The following FHIP2B variants were observed in gnomAD, a reference collection of about 807,000 sequenced individuals.
FHIP2B encodes the protein FHF complex subunit HOOK interacting protein 2B, also known as FHF complex subunit HOOK-interacting protein 2B.
Under a neutral mutation model 84.0 loss-of-function variants are expected in FHIP2B, and 72 were observed. The observed-to-expected ratio is 0.86, with a 90% CI of 0.71 to 1.04. The LOEUF is 1.04. Ranked by LOEUF, FHIP2B falls within the 50% of genes least tolerant of loss-of-function variation. FHIP2B has a pLI of 0.00. For missense variants in FHIP2B, 972 were observed against 968.9 expected, an observed-to-expected ratio of 1.00 and a Z score of -0.04; for synonymous variants, 497 against 418.7, an observed-to-expected ratio of 1.19 and a Z score of -2.28.
In FHIP2B at chr8:22,102,180, C is replaced by G; in HGVS notation, c.1857C>G (p.Tyr619Ter). 3.1e-6 allele frequency: 5 copies of G among 1,613,522 alleles called. No individual in the cohort carries two copies. Among genetic ancestry groups the G allele is most frequent in the East Asian group, 2.2e-5 (1 of 44,878 alleles). ...DRMSRILDQP[Y>*]SLNLQVTSVL... The stretch of plus-strand genomic sequence containing the variant: ...TGTCCACCATGTTCCTACAGCCATA[C>G]AGCCTGAACCTGCAGGTGACCTCGG... Residue 619 changes from tyrosine (Y) to a stop codon, truncating the protein, a stop_gained, in exon 15 of 17, where the codon TAC (tyrosine) becomes TAG (stop). Coordinates refer to ENST00000289921, the MANE Select transcript of FHIP2B (RefSeq NM_022749.7). LOFTEE classifies it high-confidence loss of function.
At chr8:22,097,889 C>A (rs78824473) in intron 5 of FHIP2B, 50 bp downstream of exon 5, 3 of 1,597,222 alleles carry the variant, frequency 1.9e-6, no homozygotes, top group Non-Finnish European at 2.6e-6. Context: ...AACCCCAGGG[C>A]AAGCCCCCTC....
intron 12 of FHIP2B, 103 bp downstream of exon 12, chr8:22,101,075 G>A: frequency 4.9e-6 from 7 of 1,422,482 alleles, no homozygotes; most frequent in Non-Finnish European, 6.6e-6. Flanking sequence ...GAGTGCAGTG[G>A]TACAATCTCG....
In FHIP2B at chr8:22,100,755, G is replaced by GC. The variant is rs1213419307; in HGVS notation, c.1487+19dup. 3 of 1,604,980 alleles carry GC rather than the reference G, an allele frequency of 1.9e-6. No homozygotes were observed. Among genetic ancestry groups the GC allele is most frequent in the African/African-American group, 1.3e-5 (1 of 74,680 alleles). On this transcript the variant is annotated intron_variant, in intron 11 of 16. Transcript: ENST00000289921. ...AGGACACCCTGTAAGTGAAACCGGC[G>GC]CCCTTTGGACTCAGCCCAGCCCTTA...
intron 5 of FHIP2B, 56 bp from the exon 6 acceptor site, chr8:22,098,012 G>A: frequency 3.3e-6 from 5 of 1,536,610 alleles, no homozygotes; most frequent in Non-Finnish European, 4.4e-6. Flanking sequence ...GGTCCCAGTG[G>A]GGGACCCTGG....
intron 1 of FHIP2B, among the ~76,000 whole-genome samples, chr8:22,090,702 G>A (rs1465659811): frequency 1.3e-5 from 2 of 152,072 alleles, no homozygotes; most frequent in African/African-American, 2.4e-5. Flanking sequence ...TCCGCTCATT[G>A]CAGCCTCCAC....
In FHIP2B at chr8:22,097,590, G is replaced by A; in HGVS notation, c.372G>A (p.Leu124=). 1 of 1,609,122 alleles carries A rather than the reference G, an allele frequency of 6.2e-7. No individual in the cohort carries two copies. Among genetic ancestry groups the A allele is most frequent in the Non-Finnish European group, 8.5e-7 (1 of 1,178,096 alleles). Reference sequence around the variant, plus strand: ...TGGCGCAGGTGCAGCACCCCCTGCTGCATTACCTCAGCGTCCACAGGCCTG... The same window carrying A: ...TGGCGCAGGTGCAGCACCCCCTGCTACATTACCTCAGCGTCCACAGGCCTG... ...KVLAQVQHPL[L]HYLSVHRPVQ... The change falls in exon 4 of 17, where the codon CTG becomes CTA. Residue 124 remains leucine, a synonymous_variant. Transcript: ENST00000289921.
chr8:22,095,597 A>G (rs1015478421), intron 2 of FHIP2B: 1 of 152,268 alleles, frequency 6.6e-6, no homozygotes, highest in Non-Finnish European at 1.5e-5. Flanking sequence ...GGCTTCCCCC[A>G]TCCAGCCCTT....
At chr8:22,100,170 G>A (rs1826025463) in intron 10 of FHIP2B, 2 of 443,208 alleles carry the variant, frequency 4.5e-6, no homozygotes, top group East Asian at 8.8e-5. Flanking sequence ...CTGGCCTCAA[G>A]CGATCCTCTC....
chr8:22,102,821 G>T lies in FHIP2B; in HGVS notation c.2122G>T (p.Val708Leu), dbSNP rs375585613. Residue 708 changes from valine to leucine, a missense_variant, in exon 17 of 17, where the codon GTG (valine) becomes TTG (leucine). Physicochemically the swap from Val to Leu is conservative, Grantham distance 32. Coordinates refer to ENST00000289921, the MANE Select transcript of FHIP2B (RefSeq NM_022749.7). ...GGACCACCAGACCCTCCTCCAGGGC[G>T]TGGTGGTGCTGGAGGAGTTCTGCAA... ...QLDHQTLLQGVVVLEEFCKEL... is the reference protein window; with the variant it reads ...QLDHQTLLQGLVVLEEFCKEL... The T allele has an allele frequency of 1.2e-6, 2 of 1,613,584 alleles. No individual in the cohort carries two copies. The highest frequency in any genetic ancestry group is 1.7e-6 in the Non-Finnish European group (2 of 1,179,854).
At chr8:22,101,936 C>A in intron 14 of FHIP2B, 85 bp downstream of exon 14, 1 of 1,540,060 alleles carries the variant, frequency 6.5e-7, no homozygotes, top group South Asian at 1.2e-5. Context: ...AGGGTTGCCT[C>A]TGCTTCGGTT....
intron 14 of FHIP2B, 128 bp from the exon 15 acceptor site, chr8:22,102,047 G>T: frequency 6.4e-7 from 1 of 1,556,516 alleles, no homozygotes; most frequent in South Asian, 1.2e-5. Flanking sequence ...TGGAATCCAT[G>T]ACACACACAC....
Position 22,099,045 on chromosome 8 carries a change from G to A in FHIP2B, c.1063G>A (p.Glu355Lys). The A allele has an allele frequency of 6.2e-7, 1 of 1,601,990 alleles. No individual in the cohort carries two copies. Among genetic ancestry groups the A allele is most frequent in the Non-Finnish European group, 8.5e-7 (1 of 1,173,878 alleles). Residue 355 changes from glutamate to lysine, a missense_variant, in exon 8 of 17, where the codon GAG becomes AAG. By Grantham distance (56) the Glu-to-Lys change is moderately conservative. Transcript: ENST00000289921. ...TGATTACTGCGACCACCTCATCACAGAGGCACACACGGTGAGCAGGGGCGG... is the reference window on the plus strand; with the variant it reads ...TGATTACTGCGACCACCTCATCACAAAGGCACACACGGTGAGCAGGGGCGG... ...WFDYCDHLIT[E>K]AHTVVADALA... is the part of the protein sequence containing the mutation.
At position 22,095,920 on chromosome 8, in the gene FHIP2B, TTCTC is replaced by T. The variant is rs1269886506; in HGVS notation, c.125-412_125-409del. 7 of 155,182 alleles carry T rather than the reference TTCTC, an allele frequency of 4.5e-5. No individual in the cohort carries two copies. The East Asian group carries it at 1.1e-3, about 25-fold the overall frequency. 9.6% of individuals were successfully genotyped at this position (155,182 alleles called of 1,614,324 possible). ...TGTCAGTGGGGGAGGCCCCAGGAGG[TTCTC>T]TCTCAGGCAGCTGCTGGAATTACAG... On this transcript the variant is annotated intron_variant, in intron 2 of 16. Transcript: ENST00000289921.
chr8:22,101,892 C>A, intron 14 of FHIP2B, 41 bp downstream of exon 14: 1 of 1,600,206 alleles, frequency 6.2e-7, no homozygotes, highest in Non-Finnish European at 8.5e-7. Flanking sequence ...CAGGCTGGTG[C>A]CTCTGGGGTC....
intron 14 of FHIP2B, 45 bp from the exon 15 acceptor site, chr8:22,102,126 TACTC>T: frequency 1.2e-6 from 2 of 1,612,150 alleles, no homozygotes; most frequent in Non-Finnish European, 1.7e-6. Flanking sequence ...AGTGCAAAAA[TACTC>T]ACCAGCCCTG....
At chr8:22,093,461 C>G (rs1825600077) in intron 1 of FHIP2B, among the ~76,000 whole-genome samples, 1 of 152,032 alleles carries the variant, frequency 6.6e-6, no homozygotes, top group African/African-American at 2.4e-5. Flanking sequence ...CAGAGCAGAA[C>G]CAGAATTTTC....
Position 22,097,632 on chromosome 8 carries a change from G to A in FHIP2B, c.402+12G>A, listed in dbSNP as rs374830504. ...ACAGGCCTGTGCAGGTGAGGGGCCC[G>A]GAAGCCAAGGGGTGTCTGGGTGTGA... On this transcript the variant is annotated intron_variant, in intron 4 of 16. Transcript: ENST00000289921. 45 of 1,603,182 alleles carry A rather than the reference G, an allele frequency of 2.8e-5. No homozygotes were observed. Among genetic ancestry groups the A allele is most frequent in the African/African-American group, 5.4e-5 (4 of 74,644 alleles).
At position 22,103,486 on chromosome 8, in the gene FHIP2B, C is replaced by G. The variant is rs556722597; in HGVS notation, c.*555C>G. On this transcript the variant is annotated 3_prime_UTR_variant, in exon 17 of 17. Coordinates refer to ENST00000289921, the MANE Select transcript of FHIP2B (RefSeq NM_022749.7). The stretch of plus-strand genomic sequence containing the variant: ...GGGAAGCCCCTCTTCCTGCTCTGCT[C>G]CCCTGGAAACTGTTGCAAAACTCCC... The G allele has an allele frequency of 6.5e-6, 1 of 152,694 alleles. No homozygotes were observed. The highest frequency in any genetic ancestry group is 1.9e-4 in the East Asian group (1 of 5,192). The allele number at this position is 152,694 out of a possible 1,614,324, so 9.5% of individuals were successfully genotyped here. A position where few individuals can be genotyped will look rare whatever the true frequency, so the allele number is the denominator to read the frequency against.
chr8:22,096,428 C>T lies in FHIP2B; in HGVS notation c.216C>T (p.Ala72=), dbSNP rs568012664. ...ILVYEEQQQA[A]AGEAGPCLEY... ...TGTATGAAGAGCAGCAGCAGGCGGC[C>T]GCGGGTGAGGCAGGGCCCTGCCTGG... is the stretch of plus-strand genomic sequence containing the variant. The change falls in exon 3 of 17, where the codon GCC becomes GCT. Residue 72 remains alanine, a synonymous_variant. Coordinates refer to ENST00000289921, the MANE Select transcript of FHIP2B (RefSeq NM_022749.7). The T allele has an allele frequency of 7.7e-6, 12 of 1,556,060 alleles. No homozygotes were observed. In the Admixed American group the frequency reaches 9.7e-5, roughly 13 times the overall value.
Sources: allele counts gnomAD v4.1 joint callset (sites outside exome capture counted in the v4.1 genomes callset), GRCh38; gene constraint gnomAD v4.1.1; transcripts MANE v1.5; gene names NCBI Gene and HGNC (gene_info 2026-07-23, HGNC 2026-07-21).